DCAF5: variants seen among roughly 807,000 people sequenced by gnomAD.
The protein encoded by DCAF5 is DDB1 and CUL4 associated factor 5.
Under a neutral mutation model 80.7 loss-of-function variants are expected in DCAF5, and 9 were observed. The ratio of observed to expected loss-of-function variants is 0.11; its 90% confidence interval spans 0.07 to 0.19. The LOEUF is 0.19. Ranked by LOEUF, DCAF5 falls within the 10% of genes least tolerant of loss-of-function variation. The pLI, the probability that DCAF5 is intolerant of heterozygous loss-of-function variation, is 1.00. For synonymous variants in DCAF5, 433 were observed against 461.9 expected, an observed-to-expected ratio of 0.94 and a Z score of 0.80; for missense variants, 842 against 1,205.7, an observed-to-expected ratio of 0.70 and a Z score of 4.47.
rs2041750362 is a variant in DCAF5, at chr14:69,152,771, C to T, written c.208G>A (p.Val70Ile). 1 of 1,613,494 alleles carries T rather than the reference C, an allele frequency of 6.2e-7. No homozygotes were observed. The highest frequency in any genetic ancestry group is 8.5e-7 in the Non-Finnish European group (1 of 1,179,836). Residue 70 changes from valine to isoleucine, a missense_variant, in exon 1 of 9, where the codon GTC becomes ATC. By Grantham distance (29) the Val-to-Ile change is conservative. This residue lies in a region of DCAF5 where 142 missense variants were observed against 311.9 expected (regional missense o/e 0.46). Coordinates refer to ENST00000341516, the MANE Select transcript of DCAF5 (RefSeq NM_003861.3). The surrounding 1 kb of genome is among the most constrained non-coding windows in gnomAD (Gnocchi z 4.1). ...GGGAAGGGGGTTGATTTACCTGAGA[C>T]CAGCCACTGGCCTCCATTGTTGGAG... ...EFSNNGGQWL[V>I]SGGDDRRVLL...
chr14:69,096,895 G>A (rs990988319), intron 5 of DCAF5, among the ~76,000 whole-genome samples: 4 of 151,818 alleles, frequency 2.6e-5, no homozygotes, highest in African/African-American at 9.7e-5. Flanking sequence ...ATAAAACTGG[G>A]AAGAGTTCAA....
chr14:69,099,114 T>A lies in DCAF5; in HGVS notation c.666-7227A>T, dbSNP rs187278485. On this transcript the variant is annotated intron_variant, in intron 5 of 8. Transcript: ENST00000341516. ...AAAAATTTAAAAAATTAGCTGGGCA[T>A]GGTGGTCCACACCTGTAGTATCAGC... is the stretch of plus-strand genomic sequence containing the variant. 3.2e-4 allele frequency among the ~76,000 whole-genome samples: 48 copies of A among 151,828 alleles called. No homozygotes were observed. The East Asian group carries it at 9.0e-3, about 28-fold the overall frequency.
At chr14:69,060,804 T>TTA (rs1462325763) in intron 8 of DCAF5, among the ~76,000 whole-genome samples, 1 of 152,152 alleles carries the variant, frequency 6.6e-6, no homozygotes, top group African/African-American at 2.4e-5. Context: ...AGTGTAGAGA[T>TTA]TACAGGCGTG....
At position 69,053,660 on chromosome 14, in the gene DCAF5, G is replaced by A. The variant is rs1345380353; in HGVS notation, c.*197C>T. 5.2e-6 allele frequency: 3 copies of A among 579,648 alleles called. No homozygotes were observed. Among genetic ancestry groups the A allele is most frequent in the Non-Finnish European group, 8.9e-6 (3 of 338,418 alleles). The allele number at this position is 579,648 out of a possible 1,614,324, so 35.9% of individuals were successfully genotyped here. On this transcript the variant is annotated 3_prime_UTR_variant, in exon 9 of 9. Coordinates refer to ENST00000341516, the MANE Select transcript of DCAF5 (RefSeq NM_003861.3). ...TTTTTTTTTCCCCTTTCTTAACACA[G>A]CACAAGCCAATGGCCAGCTAGACAT...
intron 8 of DCAF5, among the ~76,000 whole-genome samples, chr14:69,061,537 C>T (rs2139846458): frequency 6.6e-6 from 1 of 152,140 alleles, no homozygotes; most frequent in East Asian, 1.9e-4. Context: ...TTCATTCAGC[C>T]AATGTGCAAA....
rs1381808476 is a variant in DCAF5, at chr14:69,152,249, C to G, written c.214+516G>C. On this transcript the variant is annotated intron_variant, in intron 1 of 8. Transcript: ENST00000341516. The surrounding 1 kb of genome is among the most constrained non-coding windows in gnomAD (Gnocchi z 4.1). The stretch of plus-strand genomic sequence containing the variant: ...TTCCCCTCTGCAGACCCCGCCAGCC[C>G]CCGGGTCGCAGCCCCCGGCCCCTCG... Among the ~76,000 whole-genome samples the G allele has an allele frequency of 2.6e-5, 4 of 152,156 alleles. No homozygotes were observed. The highest frequency in any genetic ancestry group is 2.6e-4 in the Admixed American group (4 of 15,290).
chr14:69,090,281 T>C (rs1280305644), intron 6 of DCAF5: 5 of 218,008 alleles, frequency 2.3e-5, no homozygotes, highest in Admixed American at 6.5e-5. Context: ...TGATCGCCTA[T>C]AGAAACTGTT....
At chr14:69,114,378 A>C (rs749086907) in intron 5 of DCAF5, among the ~76,000 whole-genome samples, 6 of 152,226 alleles carry the variant, frequency 3.9e-5, no homozygotes, top group African/African-American at 4.8e-5. Context: ...TAGTCATTAA[A>C]AGAAGGGGCT....
At chr14:69,059,655 T>C (rs983502678) in intron 8 of DCAF5, among the ~76,000 whole-genome samples, 10 of 152,230 alleles carry the variant, frequency 6.6e-5, no homozygotes, top group African/African-American at 2.4e-4. Flanking sequence ...GGTCTCATCC[T>C]TCTCCTTACC....
intron 1 of DCAF5, among the ~76,000 whole-genome samples, chr14:69,151,569 G>C (rs1216051341): frequency 6.6e-6 from 1 of 152,162 alleles, no homozygotes; most frequent in African/African-American, 2.4e-5. Context: ...CAGCAGCCAA[G>C]CAGGAACGCC....
At chr14:69,069,666 A>G (rs1044807743) in intron 7 of DCAF5, among the ~76,000 whole-genome samples, 8 of 151,992 alleles carry the variant, frequency 5.3e-5, no homozygotes, top group Non-Finnish European at 8.8e-5. Context: ...TTAGAGACAC[A>G]GTCTTGCTGT....
At chr14:69,140,835 G>A (rs2041347357) in intron 1 of DCAF5, among the ~76,000 whole-genome samples, 1 of 151,974 alleles carries the variant, frequency 6.6e-6, no homozygotes, top group African/African-American at 2.4e-5. Flanking sequence ...TGGCAGCGGA[G>A]GCCAGGAGCG....
chr14:69,147,582 T>A (rs1381019105), intron 1 of DCAF5, among the ~76,000 whole-genome samples: 2 of 152,182 alleles, frequency 1.3e-5, no homozygotes, highest in African/African-American at 4.8e-5. Flanking sequence ...TCAGAGTTCA[T>A]ACTCTACAAT....
rs529276828 is a variant in DCAF5 at position 69,119,724 on chromosome 14, G to T, written c.359-494C>A. ...TGTCTCAAAAAAAAAAAAAAAGTAG[G>T]GGGGAAACAACACAAAACAAAACTG... On this transcript the variant is annotated intron_variant, in intron 2 of 8. Coordinates refer to ENST00000341516, the MANE Select transcript of DCAF5 (RefSeq NM_003861.3). Among the ~76,000 whole-genome samples, 222 of 151,400 alleles carry T rather than the reference G, an allele frequency of 1.5e-3. 4 individuals are homozygous for T. In the South Asian group the frequency reaches 0.027, roughly 19 times the overall value.
At chr14:69,096,181 A>C (rs2039706255) in intron 5 of DCAF5, among the ~76,000 whole-genome samples, 1 of 152,184 alleles carries the variant, frequency 6.6e-6, no homozygotes, top group African/African-American at 2.4e-5. Context: ...AGTCCCGATA[A>C]TCCATTAACC....
intron 6 of DCAF5, chr14:69,083,714 C>CA: frequency 1.6e-6 from 1 of 636,648 alleles, no homozygotes; most frequent in Non-Finnish European, 2.9e-6. Context: ...AATTCAGAAT[C>CA]AAAAAAGAAG....
intron 5 of DCAF5, among the ~76,000 whole-genome samples, chr14:69,093,601 C>A (rs775849779): frequency 7.9e-5 from 12 of 152,104 alleles, no homozygotes; most frequent in Non-Finnish European, 1.8e-4. Context: ...AAGGGAAGCC[C>A]TGAAACCACA....
intron 1 of DCAF5, chr14:69,143,729 C>T (rs1049739452): frequency 6.6e-6 from 1 of 152,096 alleles, no homozygotes; most frequent in Non-Finnish European, 1.5e-5. Flanking sequence ...CTAATAAGTA[C>T]TAAAACTGAA....
At chr14:69,112,755 C>G (rs1199896288) in intron 5 of DCAF5, among the ~76,000 whole-genome samples, 1 of 151,956 alleles carries the variant, frequency 6.6e-6, no homozygotes, top group Non-Finnish European at 1.5e-5. Context: ...GTCAATACTC[C>G]GATGGCACGT....
Sources: gnomAD v4.1 joint callset for allele counts (sites outside exome capture counted in the v4.1 genomes callset) on GRCh38, gnomAD v4.1.1 for gene constraint, gnomAD v4.1.1 regional missense constraint, Gnocchi (gnomAD v3.1) non-coding constraint, MANE v1.5 for transcripts, NCBI Gene and HGNC (gene_info 2026-07-23, HGNC 2026-07-21) for gene names.